Variants in ROBO2 observed in about 807,000 individuals in gnomAD.
The protein encoded by ROBO2 is roundabout homolog 2.
A neutral mutation model predicts 160.8 loss-of-function variants in ROBO2; 53 were observed. That is an observed-to-expected ratio of 0.33 (90% CI 0.26 to 0.41). The LOEUF is 0.41. ROBO2 is among the 10% of genes least tolerant of loss of function. The pLI, the probability that ROBO2 is intolerant of heterozygous loss-of-function variation, is 1.00. For synonymous variants in ROBO2, 664 were observed against 611.7 expected (o/e 1.09, Z -1.26); for missense variants, 1,577 against 1,722.4 (o/e 0.92, Z 1.49).
intron 2 of ROBO2, among the ~76,000 whole-genome samples, chr3:76,028,639 G>A (rs990604867): frequency 6.6e-6 from 1 of 151,852 alleles, no homozygotes; most frequent in Non-Finnish European, 1.5e-5. Context: ...AGAAAAAAAT[G>A]TTTAACTATG....
intron 2 of ROBO2, among the ~76,000 whole-genome samples, chr3:75,977,608 A>G (rs1179546550): frequency 1.3e-5 from 2 of 151,522 alleles, no homozygotes; most frequent in African/African-American, 4.8e-5. Flanking sequence ...GAATTTAGCT[A>G]AAGAAATGAG....
chr3:76,768,163 T>G (rs2061677445), intron 2 of ROBO2, among the ~76,000 whole-genome samples: 1 of 151,550 alleles, frequency 6.6e-6, no homozygotes, highest in African/African-American at 2.4e-5. Context: ...TTATGTGTTT[T>G]TTTAATGGCA....
chr3:76,382,127 G>C lies in ROBO2; in HGVS notation c.109+444525G>C, dbSNP rs549597383. 3.9e-5 allele frequency among the ~76,000 whole-genome samples: 6 copies of C among 152,136 alleles called. No individual in the cohort carries two copies. The South Asian group carries it at 1.2e-3, about 32-fold the overall frequency. The stretch of plus-strand genomic sequence containing the variant: ...ACTACAGGTGTGCACCAATATGCCT[G>C]GCTAATATTTTCGTATTTTTGGTAG... On this transcript the variant is annotated intron_variant, in intron 2 of 26. Coordinates refer to the ROBO2 transcript ENST00000487694.
intron 2 of ROBO2, among the ~76,000 whole-genome samples, chr3:76,762,557 G>T (rs775915194): frequency 1.3e-5 from 2 of 149,932 alleles, no homozygotes; most frequent in Non-Finnish European, 3.0e-5. Context: ...ACCATCTTTT[G>T]GTCGGATTAT....
chr3:76,080,936 C>T (rs1258122807), intron 2 of ROBO2, among the ~76,000 whole-genome samples: 2 of 151,954 alleles, frequency 1.3e-5, no homozygotes, highest in African/African-American at 4.8e-5. Flanking sequence ...TATTAATATT[C>T]CTTTATAAAA....
intron 2 of ROBO2, among the ~76,000 whole-genome samples, chr3:77,342,247 T>C (rs975811783): frequency 2.6e-5 from 4 of 152,146 alleles, no homozygotes; most frequent in African/African-American, 7.2e-5. Context: ...TTTTATGTTG[T>C]ACATAAGGAG....
At chr3:77,580,934 A>T (rs566121705) in intron 16 of ROBO2, among the ~76,000 whole-genome samples, 1 of 152,268 alleles carries the variant, frequency 6.6e-6, no homozygotes, top group African/African-American at 2.4e-5. Flanking sequence ...TCAAATTGTT[A>T]TATAATTTCG....
At chr3:77,331,690 T>TTTAC (rs1553912527) in intron 2 of ROBO2, among the ~76,000 whole-genome samples, 5 of 102,578 alleles carry the variant, frequency 4.9e-5, no homozygotes, top group South Asian at 6.4e-4. Context: ...GGCCTATTTA[T>TTTAC]TTACTTATTT....
chr3:76,541,337 A>C (rs914401534), intron 2 of ROBO2, among the ~76,000 whole-genome samples: 2 of 152,328 alleles, frequency 1.3e-5, no homozygotes, highest in Middle Eastern at 3.4e-3. Flanking sequence ...AATTTATGAC[A>C]CAGCTATGCT....
intron 14 of ROBO2, among the ~76,000 whole-genome samples, chr3:77,576,081 GCAA>G (rs541466653): frequency 6.6e-5 from 10 of 152,078 alleles, no homozygotes; most frequent in Non-Finnish European, 1.2e-4. Context: ...CGAGCCAGCA[GCAA>G]GGTGAATGAG....
At chr3:76,464,377 A>G (rs185148445) in intron 2 of ROBO2, among the ~76,000 whole-genome samples, 29 of 152,276 alleles carry the variant, frequency 1.9e-4, no homozygotes, top group Admixed American at 5.2e-4. Context: ...TAAGGTACAG[A>G]ACAAAACCCC....
chr3:76,812,847 C>T (rs1418088364), intron 2 of ROBO2, among the ~76,000 whole-genome samples: 1 of 144,824 alleles, frequency 6.9e-6, no homozygotes, highest in South Asian at 2.2e-4. Context: ...ATGGCATGAA[C>T]AGAAATCCAA....
intron 2 of ROBO2, among the ~76,000 whole-genome samples, chr3:76,944,104 TA>T (rs1303528782): frequency 6.6e-6 from 1 of 152,202 alleles, no homozygotes; most frequent in African/African-American, 2.4e-5. Context: ...ATTTAACTGT[TA>T]AAGACTTTTT....
intron 2 of ROBO2, among the ~76,000 whole-genome samples, chr3:77,361,706 G>A (rs563034003): frequency 1.3e-5 from 2 of 152,106 alleles, no homozygotes; most frequent in African/African-American, 2.4e-5. Context: ...CTCTTATGAC[G>A]TAAACACCCT....
At chr3:76,525,828 A>G (rs909131059) in intron 2 of ROBO2, among the ~76,000 whole-genome samples, 13 of 152,022 alleles carry the variant, frequency 8.6e-5, no homozygotes, top group Non-Finnish European at 1.6e-4. Context: ...TAAAGTTGCC[A>G]TTAAAGGGCA....
chr3:77,231,780 C>T (rs1398708956), intron 2 of ROBO2, among the ~76,000 whole-genome samples: 2 of 152,078 alleles, frequency 1.3e-5, no homozygotes, highest in African/African-American at 4.8e-5. Context: ...TTTCTCTCCA[C>T]GGATTCTTTG....
chr3:76,760,596 C>A (rs2108364567), intron 2 of ROBO2, among the ~76,000 whole-genome samples: 1 of 151,734 alleles, frequency 6.6e-6, no homozygotes, highest in Admixed American at 6.6e-5. Flanking sequence ...ATTAAAAATT[C>A]CTTCATATTC....
intron 2 of ROBO2, among the ~76,000 whole-genome samples, chr3:76,270,701 T>C (rs753154767): frequency 4.6e-5 from 7 of 152,044 alleles, no homozygotes; most frequent in Non-Finnish European, 7.4e-5. Flanking sequence ...ACTAAATATA[T>C]CCTTTAAAAA....
At chr3:76,350,768 AC>A (rs2074823384) in intron 2 of ROBO2, among the ~76,000 whole-genome samples, 1 of 151,986 alleles carries the variant, frequency 6.6e-6, no homozygotes, top group Admixed American at 6.6e-5. Context: ...GTAAAGACTT[AC>A]ATGAAACAAG....
Sources: gnomAD v4.1 joint callset for allele counts (sites outside exome capture counted in the v4.1 genomes callset) on GRCh38, gnomAD v4.1.1 for gene constraint, MANE v1.5 for transcripts, NCBI Gene and HGNC (gene_info 2026-07-23, HGNC 2026-07-21) for gene names.